Variants in UBN1 observed in about 807,000 individuals in gnomAD.
UBN1 encodes ubinuclein 1, also known as ubinuclein-1.
UBN1 carries 17 observed loss-of-function variants against 108.5 expected under a neutral mutation model. The ratio of observed to expected loss-of-function variants is 0.16; its 90% CI spans 0.11 to 0.24. UBN1 has a LOEUF of 0.24. Among genes scored for constraint, UBN1 ranks in the 10% least tolerant of loss-of-function variants. The pLI is 1.00. For missense variants in UBN1, 1,595 were observed against 1,394.4 expected, an observed-to-expected ratio of 1.14 and a Z score of -2.29; for synonymous variants, 726 against 564.2, an observed-to-expected ratio of 1.29 and a Z score of -4.07.
chr16:4,873,086 G>A lies in UBN1; in HGVS notation c.1800+13G>A. ...AATCAAGGTGAAGGTGAGTCAGTTT[G>A]CTCGGGTCACATGTCAGCTATGCCC... is the stretch of plus-strand genomic sequence containing the variant. On this transcript the variant is annotated intron_variant, in intron 14 of 17. Transcript: ENST00000262376. 1 of 1,614,200 alleles carries A rather than the reference G, an allele frequency of 6.2e-7. No individual in the cohort carries two copies. Among genetic ancestry groups the A allele is most frequent in the African/African-American group, 1.3e-5 (1 of 75,062 alleles).
chr16:4,872,763 C>T, intron 12 of UBN1, 121 bp from the exon 13 acceptor site: 1 of 1,195,902 alleles, frequency 8.4e-7, no homozygotes, highest in Non-Finnish European at 1.2e-6. Context: ...GCCACTGCGC[C>T]TGGCCAGTTG....
chr16:4,872,615 T>C (rs2087701770), intron 12 of UBN1, among the ~76,000 whole-genome samples: 2 of 152,252 alleles, frequency 1.3e-5, no homozygotes, highest in Admixed American at 1.3e-4. Flanking sequence ...ATTACAGGCG[T>C]GCGCCACCAC....
At chr16:4,880,049 A>T in intron 17 of UBN1, 34 bp from the exon 18 acceptor site, 2 of 1,612,964 alleles carry the variant, frequency 1.2e-6, no homozygotes, top group Non-Finnish European at 1.7e-6. Flanking sequence ...GAGCATGAAA[A>T]ACTTGCGTTC....
chr16:4,875,962 C>CTT (rs35899089), intron 15 of UBN1, among the ~76,000 whole-genome samples: 74 of 141,188 alleles, frequency 5.2e-4, no homozygotes, highest in Non-Finnish European at 7.5e-4. Context: ...TTCTTTTTTT[C>CTT]TTTTTTTTTT....
intron 2 of UBN1, among the ~76,000 whole-genome samples, chr16:4,857,260 G>C (rs994792646): frequency 6.6e-6 from 1 of 151,606 alleles, no homozygotes; most frequent in African/African-American, 2.4e-5. Context: ...TGAGGCAGGA[G>C]GATCACCCGA....
Position 4,877,681 on chromosome 16 carries a change from C to A in UBN1, c.3355+207C>A. On this transcript the variant is annotated intron_variant, in intron 17 of 17. Coordinates refer to ENST00000262376, the MANE Select transcript of UBN1 (RefSeq NM_001079514.3). This position sits in a 1 kb window ranked among gnomAD's most constrained non-coding sequence, Gnocchi z 4.3. ...TTCCTCTGGTCCCCACTTGGAGCTG[C>A]CGCCAGGTCAGCCTCAGCCTGTGTG... The A allele has an allele frequency of 7.8e-7, 1 of 1,274,796 alleles. No homozygotes were observed. The highest frequency in any genetic ancestry group is 2.7e-5 in the South Asian group (1 of 37,260). 79.0% of individuals were successfully genotyped at this position (1,274,796 alleles called of 1,614,324 possible).
rs374790526 is a variant in UBN1 at position 4,847,500 on chromosome 16, C to T, written c.-750C>T. On this transcript the variant is annotated 5_prime_UTR_variant, in exon 1 of 18. Transcript: ENST00000262376. ...ACTCCCGGCTCCTTCCCCCTCCCTT[C>T]GGCTCGTGACAACGAAGCGCCCGCG... is the stretch of plus-strand genomic sequence containing the variant. The T allele has an allele frequency of 6.0e-3, 3,270 of 547,130 alleles. 26 individuals carry two copies. The highest frequency in any genetic ancestry group is 0.017 in the South Asian group (686 of 40,862). The allele number at this position is 547,130 out of a possible 1,614,324, so 33.9% of individuals were successfully genotyped here. A position where few individuals can be genotyped will look rare whatever the true frequency, so the allele number is the denominator to read the frequency against.
chr16:4,879,865 C>T (rs1036386067), intron 17 of UBN1, among the ~76,000 whole-genome samples: 5 of 151,812 alleles, frequency 3.3e-5, no homozygotes, highest in African/African-American at 1.2e-4. Context: ...GAGTGACCAC[C>T]GACCTTCACA....
rs1321224992 is a variant in UBN1 at position 4,853,126 on chromosome 16, A to G, written c.209A>G (p.Asn70Ser). 6.2e-7 allele frequency: 1 copy of G among 1,614,240 alleles called. No individual in the cohort carries two copies. The highest frequency in any genetic ancestry group is 1.1e-5 in the South Asian group (1 of 91,088). Residue 70 changes from asparagine to serine, a missense_variant, in exon 2 of 18, where the codon AAT (asparagine) becomes AGT (serine). Around this residue, in one of 3 missense-constraint regions of UBN1, gnomAD observed 181 missense variants for 157.3 expected, o/e 1.15. Coordinates refer to ENST00000262376, the MANE Select transcript of UBN1 (RefSeq NM_001079514.3). ...TTCTTCTACCCAGAGCTGGTGAAGA[A>G]TATCCGAGGGAAGGTAAAAGGCCTT... is the stretch of plus-strand genomic sequence containing the variant. ...PEFFYPELVK[N>S]IRGKVKGLQP...
Position 4,870,275 on chromosome 16 carries a change from G to C in UBN1, c.1245G>C (p.Ala415=), listed in dbSNP as rs140706161. ...QVRSGVYAYL[A]SFLPCSKDAL... ...GCTCTGGGGTGTATGCCTATCTTGC[G>C]TCATTCCTGCCCTGCAGCAAGGATG... The change falls in exon 9 of 18, where the codon GCG becomes GCC. Residue 415 remains alanine (A), a synonymous_variant. Transcript: ENST00000262376. 1.9e-6 allele frequency: 3 copies of C among 1,614,102 alleles called. No individual in the cohort carries two copies. In the African/African-American group the frequency reaches 4.0e-5, roughly 22 times the overall value.
At position 4,858,872 on chromosome 16, in the gene UBN1, T is replaced by A. The variant is rs1432381448; in HGVS notation, c.433-153T>A. ...GATGACCAGATCTGTCCAAAACACCTTGTAGCTCAGACATTCATGTTTGAC... is the reference window on the plus strand; with the variant it reads ...GATGACCAGATCTGTCCAAAACACCATGTAGCTCAGACATTCATGTTTGAC... On this transcript the variant is annotated intron_variant, in intron 4 of 17. Transcript: ENST00000262376. 4 of 1,105,318 alleles carry A rather than the reference T, an allele frequency of 3.6e-6. No homozygotes were observed. In the South Asian group the frequency reaches 6.0e-5, roughly 17 times the overall value. The allele number at this position is 1,105,318 out of a possible 1,614,324, so 68.5% of individuals were successfully genotyped here.
At chr16:4,879,703 A>G (rs750708327) in intron 17 of UBN1, among the ~76,000 whole-genome samples, 2 of 152,142 alleles carry the variant, frequency 1.3e-5, no homozygotes, top group African/African-American at 2.4e-5. Context: ...TCTTTACAGG[A>G]CCTGAGGGTC....
At chr16:4,852,116 A>G (rs940836529) in intron 1 of UBN1, 2 of 152,258 alleles carry the variant, frequency 1.3e-5, no homozygotes, top group African/African-American at 4.8e-5. Flanking sequence ...GGTATGGTAG[A>G]AAGTTCACAC....
chr16:4,873,762 T>C (rs1027813217), intron 14 of UBN1, among the ~76,000 whole-genome samples: 7 of 152,306 alleles, frequency 4.6e-5, no homozygotes, highest in South Asian at 2.1e-4. Context: ...CACTCTTCTT[T>C]GAACCCAGTC....
At chr16:4,850,975 G>A (rs1305589093) in intron 1 of UBN1, among the ~76,000 whole-genome samples, 1 of 152,152 alleles carries the variant, frequency 6.6e-6, no homozygotes, top group Non-Finnish European at 1.5e-5. Context: ...TTACAAAACA[G>A]TGCAATACTG....
intron 12 of UBN1, 107 bp downstream of exon 12, chr16:4,871,408 C>G: frequency 6.8e-7 from 1 of 1,476,338 alleles, no homozygotes; most frequent in Non-Finnish European, 9.0e-7. Context: ...CACTGTCTAG[C>G]TGCCTCAACT....
In UBN1 at chr16:4,860,896, C is replaced by A. The variant is rs745905219; in HGVS notation, c.904C>A (p.Leu302Ile). The change falls in exon 7 of 18, where the codon CTC becomes ATC. Residue 302 changes from leucine to isoleucine, a missense_variant. Coordinates refer to ENST00000262376, the MANE Select transcript of UBN1 (RefSeq NM_001079514.3). ...TGGCTCTACTTCTGACAACGACTTG[C>A]TCCAGGCGGCCACTGCCATGGACTC... ...LFGSTSDNDL[L>I]QAATAMDSLT... 2 of 1,614,276 alleles carry A rather than the reference C, an allele frequency of 1.2e-6. No homozygotes were observed. The highest frequency in any genetic ancestry group is 2.2e-5 in the South Asian group (2 of 91,086).
intron 1 of UBN1, among the ~76,000 whole-genome samples, chr16:4,848,742 T>A (rs578178145): frequency 6.6e-6 from 1 of 152,358 alleles, no homozygotes; most frequent in East Asian, 1.9e-4. Flanking sequence ...AAATTTAACA[T>A]AAGTTCCTGT....
intron 8 of UBN1, 85 bp downstream of exon 8, chr16:4,868,988 A>T: frequency 7.3e-7 from 1 of 1,368,582 alleles, no homozygotes; most frequent in Non-Finnish European, 1.0e-6. Context: ...CAGTGGGAGT[A>T]CAATTGAACT....
Sources: gnomAD v4.1 joint callset for allele counts (sites outside exome capture counted in the v4.1 genomes callset) on GRCh38, gnomAD v4.1.1 for gene constraint, gnomAD v4.1.1 regional missense constraint, Gnocchi (gnomAD v3.1) non-coding constraint, MANE v1.5 for transcripts, NCBI Gene and HGNC (gene_info 2026-07-23, HGNC 2026-07-21) for gene names.